The following BBX variants were observed in gnomAD, a reference collection of about 807,000 sequenced individuals.
The protein encoded by BBX is HMG box transcription factor BBX.
In BBX, 30 loss-of-function variants were observed where a neutral mutation model predicts 100.2. That is an observed-to-expected ratio of 0.30 (90% CI 0.22 to 0.41). The LOEUF is 0.41. Ranked by LOEUF, BBX falls within the 10% of genes least tolerant of loss-of-function variation. The pLI, the probability that BBX is intolerant of heterozygous loss-of-function variation, is 1.00. For synonymous variants in BBX, 376 were observed against 388.1 expected (o/e 0.97, Z 0.37); for missense variants, 1,023 against 1,129.8 (o/e 0.91, Z 1.35).
At chr3:107,626,149 G>A (rs2056156716) in intron 2 of BBX, among the ~76,000 whole-genome samples, 1 of 152,036 alleles carries the variant, frequency 6.6e-6, no homozygotes, top group Admixed American at 6.6e-5. Context: ...AAAAGTTTAG[G>A]AACATTAATC....
intron 3 of BBX, among the ~76,000 whole-genome samples, chr3:107,697,640 C>T (rs1313667808): frequency 6.6e-6 from 1 of 151,908 alleles, no homozygotes; most frequent in Non-Finnish European, 1.5e-5. Context: ...GAGGTTACTG[C>T]TGTCTTTTTG....
intron 2 of BBX, among the ~76,000 whole-genome samples, chr3:107,561,268 T>G (rs920449999): frequency 6.6e-6 from 1 of 152,198 alleles, no homozygotes; most frequent in African/African-American, 2.4e-5. Context: ...TAGGACAGAT[T>G]GTCCTGGTTA....
intron 3 of BBX, among the ~76,000 whole-genome samples, chr3:107,675,140 A>G (rs1452947344): frequency 1.3e-5 from 2 of 152,176 alleles, no homozygotes; most frequent in African/African-American, 4.8e-5. Flanking sequence ...TGATAGGAAG[A>G]TCCAGATTAA....
At chr3:107,532,815 C>T (rs1310335135) in intron 2 of BBX, among the ~76,000 whole-genome samples, 1 of 152,068 alleles carries the variant, frequency 6.6e-6, no homozygotes, top group African/African-American at 2.4e-5. Flanking sequence ...TTATATTTGC[C>T]AGGAACGTCT....
intron 10 of BBX, among the ~76,000 whole-genome samples, chr3:107,758,872 A>C (rs988213853): frequency 1.3e-5 from 2 of 152,200 alleles, no homozygotes; most frequent in African/African-American, 4.8e-5. Flanking sequence ...GCCTTGTGAA[A>C]GAAGGGCCAG....
chr3:107,653,432 A>C (rs2057960629), intron 3 of BBX, among the ~76,000 whole-genome samples: 1 of 152,156 alleles, frequency 6.6e-6, no homozygotes, highest in Non-Finnish European at 1.5e-5. Flanking sequence ...ACCTGGCTTC[A>C]GTTAATGTGT....
intron 3 of BBX, among the ~76,000 whole-genome samples, chr3:107,653,115 G>A (rs965860997): frequency 2.6e-5 from 4 of 152,108 alleles, no homozygotes; most frequent in African/African-American, 9.7e-5. Context: ...CCCAGACTTC[G>A]TTCAGGGAGA....
chr3:107,777,638 G>A (rs1368432428), intron 12 of BBX, among the ~76,000 whole-genome samples: 1 of 152,142 alleles, frequency 6.6e-6, no homozygotes, highest in East Asian at 1.9e-4. Flanking sequence ...GAGACAGTCA[G>A]CACCAGCCCA....
chr3:107,803,835 G>A (rs1481560016), intron 17 of BBX, among the ~76,000 whole-genome samples: 1 of 152,112 alleles, frequency 6.6e-6, no homozygotes, highest in Non-Finnish European at 1.5e-5. Context: ...GCAGCACATA[G>A]TCCTCTCCCA....
At chr3:107,774,595 T>C (rs959360426) in intron 11 of BBX, 124 bp from the exon 12 acceptor site, 2 of 1,018,136 alleles carry the variant, frequency 2.0e-6, no homozygotes, top group Non-Finnish European at 2.8e-6. Context: ...AACTCTGAAA[T>C]AGCTACAGTT....
At chr3:107,561,255 G>A (rs2050473380) in intron 2 of BBX, among the ~76,000 whole-genome samples, 1 of 152,150 alleles carries the variant, frequency 6.6e-6, no homozygotes, top group African/African-American at 2.4e-5. Flanking sequence ...TAAACACTGT[G>A]CTTAGGACAG....
chr3:107,782,661 A>G (rs2068014913), intron 13 of BBX, among the ~76,000 whole-genome samples: 1 of 152,054 alleles, frequency 6.6e-6, no homozygotes, highest in Non-Finnish European at 1.5e-5. Flanking sequence ...GGTTATTGTC[A>G]GTGTCCTTCT....
intron 2 of BBX, among the ~76,000 whole-genome samples, chr3:107,584,485 A>G (rs1170727510): frequency 6.7e-6 from 1 of 150,298 alleles, no homozygotes; most frequent in East Asian, 2.0e-4. Context: ...GATAGCCCCT[A>G]ACGTTACACT....
At chr3:107,775,081 T>C (rs148955417) in intron 12 of BBX, among the ~76,000 whole-genome samples, 119 of 152,308 alleles carry the variant, frequency 7.8e-4, no homozygotes, top group African/African-American at 2.7e-3. Flanking sequence ...ATTTTGATCA[T>C]AGTGAAAATA....
At chr3:107,580,498 C>A (rs958634086) in intron 2 of BBX, among the ~76,000 whole-genome samples, 5 of 152,020 alleles carry the variant, frequency 3.3e-5, no homozygotes, top group African/African-American at 1.2e-4. Context: ...TAGTAAAGAA[C>A]ATTGTCTTTT....
chr3:107,711,174 T>C (rs2061695244), intron 4 of BBX: 2 of 358,494 alleles, frequency 5.6e-6, no homozygotes, highest in Non-Finnish European at 1.1e-5. Context: ...CAAGTGTTCG[T>C]CCCACCCAAC....
At chr3:107,663,572 T>C (rs959862622) in intron 3 of BBX, among the ~76,000 whole-genome samples, 5 of 152,138 alleles carry the variant, frequency 3.3e-5, no homozygotes, top group Non-Finnish European at 7.4e-5. Context: ...CTCATACTTA[T>C]GTACCCCCTA....
rs374619097 is a variant in BBX at position 107,801,182 on chromosome 3, T to A, written c.2639T>A (p.Val880Asp). 5 of 1,613,944 alleles carry A rather than the reference T, an allele frequency of 3.1e-6. No individual in the cohort carries two copies. Among genetic ancestry groups the A allele is most frequent in the Non-Finnish European group, 4.2e-6 (5 of 1,180,002 alleles). The change falls in exon 17 of 18, where the codon GTC (valine) becomes GAC (aspartate). Residue 880 changes from valine to aspartate, a missense_variant. Val to Asp is a radical substitution (Grantham distance 152). Around this residue, in one of 9 missense-constraint regions of BBX, gnomAD observed 104 missense variants for 132.2 expected, o/e 0.79. Transcript: ENST00000325805. ...GACAAATGCTCACACAACACCGAGG[T>A]CGGGGAGACGCGGAGCAGTACTCCA... ...CNDKCSHNTEVGETRSSTPEM... is the reference protein window; with the variant it reads ...CNDKCSHNTEDGETRSSTPEM...
rs775846784 is a variant in BBX, at chr3:107,748,012, A to G, written c.798A>G (p.Gln266=). Residue 266 remains glutamine, a synonymous_variant, in exon 9 of 18, where the codon CAA becomes CAG. Transcript: ENST00000325805. ...SHSDASTKQC[Q]TSALFQFAEI... is the part of the protein sequence containing the mutation. ...CTGATGCTTCTACAAAGCAGTGTCA[A>G]ACATCTGCCTTGTTTCAGTTTGCAG... The G allele has an allele frequency of 2.5e-5, 41 of 1,613,572 alleles. No homozygotes were observed. Among genetic ancestry groups the G allele is most frequent in the African/African-American group, 2.0e-4 (15 of 74,906 alleles).
Sources: gnomAD v4.1 joint callset for allele counts (sites outside exome capture counted in the v4.1 genomes callset) on GRCh38, gnomAD v4.1.1 for gene constraint, gnomAD v4.1.1 regional missense constraint, MANE v1.5 for transcripts, NCBI Gene and HGNC (gene_info 2026-07-23, HGNC 2026-07-21) for gene names.